The following SNX33 variants were observed in gnomAD, a reference collection of about 807,000 sequenced individuals.
SNX33 encodes the protein sorting nexin-33.
SNX33 carries 19 observed loss-of-function variants against 38.8 expected under a neutral mutation model. The ratio of observed to expected loss-of-function variants is 0.49; its 90% CI spans 0.34 to 0.72. The LOEUF is 0.72. Ranked by LOEUF, SNX33 falls within the 30% of genes least tolerant of loss-of-function variation. The probability of loss-of-function intolerance (pLI) is 0.01; values close to 1 mark genes in which losing one functional copy is unlikely to be tolerated. For missense variants in SNX33, 641 were observed against 776.4 expected (o/e 0.83, Z 2.07); for synonymous variants, 246 against 289.7 (o/e 0.85, Z 1.53).
intron 1 of SNX33, among the ~76,000 whole-genome samples, chr15:75,651,155 G>A (rs1367688716): frequency 2.0e-5 from 3 of 152,220 alleles, no homozygotes; most frequent in African/African-American, 7.2e-5. Flanking sequence ...GATAACAAGA[G>A]CTCAGAGTGG....
rs1227189334 is a variant in SNX33 at position 75,649,744 on chromosome 15, T to C, written c.642T>C (p.Ile214=). The change falls in exon 1 of 2, where the codon ATT becomes ATC. Residue 214 remains isoleucine (I), a synonymous_variant. Coordinates refer to ENST00000308527, the MANE Select transcript of SNX33 (RefSeq NM_153271.2). This position sits in a 1 kb window ranked among gnomAD's most constrained non-coding sequence, Gnocchi z 6.6. ...MMAKIAETYS[I]EMGPRGPQWK... Reference sequence around the variant, plus strand: ...CCAAGATCGCTGAGACATACTCCATTGAAATGGGCCCTCGTGGCCCCCAGT... The same window carrying C: ...CCAAGATCGCTGAGACATACTCCATCGAAATGGGCCCTCGTGGCCCCCAGT... The C allele has an allele frequency of 1.3e-6, 2 of 1,529,988 alleles. No individual in the cohort carries two copies. Among genetic ancestry groups the C allele is most frequent in the South Asian group, 1.3e-5 (1 of 77,580 alleles). The allele number at this position is 1,529,988 out of a possible 1,614,324, so 94.8% of individuals were successfully genotyped here. A position where few individuals can be genotyped will look rare whatever the true frequency, so the allele number is the denominator to read the frequency against.
rs1377369988 is a variant in SNX33 at position 75,648,509 on chromosome 15, G to A, written c.-594G>A. 2.0e-6 allele frequency: 2 copies of A among 985,428 alleles called. No homozygotes were observed. Among genetic ancestry groups the A allele is most frequent in the Non-Finnish European group, 2.4e-6 (2 of 829,966 alleles). 61.0% of individuals were successfully genotyped at this position (985,428 alleles called of 1,614,324 possible). A position where few individuals can be genotyped will look rare whatever the true frequency, so the allele number is the denominator to read the frequency against. ...TCAGGCGGCTGCTGCTTTTCTCCTT[G>A]CCCCTCTTGGATTTTCCGGATTTTT... On this transcript the variant is annotated 5_prime_UTR_variant, in exon 1 of 2. Transcript: ENST00000308527. The surrounding 1 kb of genome is among the most constrained non-coding windows in gnomAD (Gnocchi z 4.4).
In SNX33 at chr15:75,649,260, C is replaced by T. The variant is rs769291515; in HGVS notation, c.158C>T (p.Ala53Val). 3.7e-6 allele frequency: 6 copies of T among 1,613,924 alleles called. No homozygotes were observed. The highest frequency in any genetic ancestry group is 2.7e-5 in the African/African-American group (2 of 74,934). Reference protein sequence around the residue: ...NSRGETGLFPASYVEIVRSGI... With the variant: ...NSRGETGLFPVSYVEIVRSGI... ...CGTGGGGAGACAGGGCTCTTTCCTG[C>T]CTCTTATGTGGAGATCGTCCGTTCT... The change falls in exon 1 of 2, where the codon GCC (alanine) becomes GTC (valine). Residue 53 changes from alanine to valine, a missense_variant. By Grantham distance (64) the Ala-to-Val change is moderately conservative (BLOSUM62 0). Coordinates refer to ENST00000308527, the MANE Select transcript of SNX33 (RefSeq NM_153271.2). This position sits in a 1 kb window ranked among gnomAD's most constrained non-coding sequence, Gnocchi z 6.6.
Position 75,648,997 on chromosome 15 carries a change from T to C in SNX33, c.-106T>C. 7.1e-7 allele frequency: 1 copy of C among 1,401,792 alleles called. No homozygotes were observed. The highest frequency in any genetic ancestry group is 1.4e-5 in the South Asian group (1 of 70,956). 86.8% of individuals were successfully genotyped at this position (1,401,792 alleles called of 1,614,324 possible). On this transcript the variant is annotated 5_prime_UTR_variant, in exon 1 of 2. Coordinates refer to ENST00000308527, the MANE Select transcript of SNX33 (RefSeq NM_153271.2). This position sits in a 1 kb window ranked among gnomAD's most constrained non-coding sequence, Gnocchi z 4.4. ...CCTTAGGACCTGAGAGATTGAACTG[T>C]GTAAGCGCCATTCAGCTGCGAGTGC...
intron 1 of SNX33, among the ~76,000 whole-genome samples, chr15:75,653,074 C>G (rs116227070): frequency 0.015 from 2,339 of 152,218 alleles, 57 homozygotes; most frequent in African/African-American, 0.054. Flanking sequence ...GAGATTTCTC[C>G]CCTCAGTCTC....
chr15:75,650,625 G>T lies in SNX33; in HGVS notation c.1471+52G>T. 1 of 1,521,454 alleles carries T rather than the reference G, an allele frequency of 6.6e-7. No individual in the cohort carries two copies. Among genetic ancestry groups the T allele is most frequent in the East Asian group, 2.3e-5 (1 of 43,864 alleles). The allele number at this position is 1,521,454 out of a possible 1,614,324, so 94.2% of individuals were successfully genotyped here. On this transcript the variant is annotated intron_variant, in intron 1 of 1. Coordinates refer to ENST00000308527, the MANE Select transcript of SNX33 (RefSeq NM_153271.2). This position sits in a 1 kb window ranked among gnomAD's most constrained non-coding sequence, Gnocchi z 6.1. ...CGTCCTGAGTCTGGCTCTCTGCTGGGCCCTGGGGAGATGGGGATGGCCTGG... is the reference window on the plus strand; with the variant it reads ...CGTCCTGAGTCTGGCTCTCTGCTGGTCCCTGGGGAGATGGGGATGGCCTGG...
At chr15:75,651,253 C>T (rs540943048) in intron 1 of SNX33, among the ~76,000 whole-genome samples, 9 of 152,322 alleles carry the variant, frequency 5.9e-5, no homozygotes, top group African/African-American at 9.6e-5. Context: ...TCTTTATGAG[C>T]GTCTTGTCTG....
At position 75,648,910 on chromosome 15, in the gene SNX33, G is replaced by A. The variant is rs546693378; in HGVS notation, c.-193G>A. On this transcript the variant is annotated 5_prime_UTR_variant, in exon 1 of 2. Transcript: ENST00000308527. This position sits in a 1 kb window ranked among gnomAD's most constrained non-coding sequence, Gnocchi z 4.4. ...CGGAGACCTGATAGGGCAGTTTCTG[G>A]GCCATGGACATTGCTTTGAAGAGGG... The A allele has an allele frequency of 1.6e-6, 1 of 610,036 alleles. No homozygotes were observed. The highest frequency in any genetic ancestry group is 3.2e-5 in the East Asian group (1 of 30,908). 37.8% of individuals were successfully genotyped at this position (610,036 alleles called of 1,614,324 possible).
rs527556819 is a variant in SNX33 at position 75,659,141 on chromosome 15, G to A, written c.*1926G>A. On this transcript the variant is annotated 3_prime_UTR_variant, in exon 2 of 2. Transcript: ENST00000308527. ...GGCTCCCACATTGGAAACTGAAGAG[G>A]ACGCTGGCTGTTGGGGGTGCCCTGA... 1 of 152,532 alleles carries A rather than the reference G, an allele frequency of 6.6e-6. No individual in the cohort carries two copies. Among genetic ancestry groups the A allele is most frequent in the Non-Finnish European group, 1.5e-5 (1 of 68,184 alleles). 9.4% of individuals were successfully genotyped at this position (152,532 alleles called of 1,614,324 possible). A position where few individuals can be genotyped will look rare whatever the true frequency, so the allele number is the denominator to read the frequency against.
rs1380065674 is a variant in SNX33, at chr15:75,648,822, C to G, written c.-281C>G. 2.1e-5 allele frequency: 7 copies of G among 336,494 alleles called. No individual in the cohort carries two copies. Among genetic ancestry groups the G allele is most frequent in the South Asian group, 1.1e-4 (1 of 9,006 alleles). The allele number at this position is 336,494 out of a possible 1,614,324, so 20.8% of individuals were successfully genotyped here. ...TAGGAGAGATTCCCCTCTAACCCCC[C>G]AGAGGCTGCTAAGGGAGGAGGAGAC... On this transcript the variant is annotated 5_prime_UTR_variant, in exon 1 of 2. Coordinates refer to ENST00000308527, the MANE Select transcript of SNX33 (RefSeq NM_153271.2). This position sits in a 1 kb window ranked among gnomAD's most constrained non-coding sequence, Gnocchi z 4.4.
Position 75,648,077 on chromosome 15 carries a change from C to A in SNX33, c.-1026C>A, listed in dbSNP as rs1234860798. 6 of 985,462 alleles carry A rather than the reference C, an allele frequency of 6.1e-6. No individual in the cohort carries two copies. In the African/African-American group the frequency reaches 8.7e-5, roughly 14 times the overall value. The allele number at this position is 985,462 out of a possible 1,614,324, so 61.0% of individuals were successfully genotyped here. A position where few individuals can be genotyped will look rare whatever the true frequency, so the allele number is the denominator to read the frequency against. On this transcript the variant is annotated 5_prime_UTR_variant, in exon 1 of 2. Transcript: ENST00000308527. The surrounding 1 kb of genome is among the most constrained non-coding windows in gnomAD (Gnocchi z 4.4). Reference sequence around the variant, plus strand: ...GCCGCGCCATCTGCTCGCCGGAGCTCACTCTCCAAACTCCAAACTGTTGAG... The same window carrying A: ...GCCGCGCCATCTGCTCGCCGGAGCTAACTCTCCAAACTCCAAACTGTTGAG...
chr15:75,648,980 C>T lies in SNX33; in HGVS notation c.-123C>T. 1 of 1,251,594 alleles carries T rather than the reference C, an allele frequency of 8.0e-7. No homozygotes were observed. The highest frequency in any genetic ancestry group is 1.6e-5 in the South Asian group (1 of 62,814). 77.5% of individuals were successfully genotyped at this position (1,251,594 alleles called of 1,614,324 possible). A position where few individuals can be genotyped will look rare whatever the true frequency, so the allele number is the denominator to read the frequency against. On this transcript the variant is annotated 5_prime_UTR_variant, in exon 1 of 2. Coordinates refer to ENST00000308527, the MANE Select transcript of SNX33 (RefSeq NM_153271.2). The surrounding 1 kb of genome is among the most constrained non-coding windows in gnomAD (Gnocchi z 4.4). The stretch of plus-strand genomic sequence containing the variant: ...TGGGTGCTGAGACCCCACCTTAGGA[C>T]CTGAGAGATTGAACTGTGTAAGCGC...
chr15:75,648,129 TC>T lies in SNX33; in HGVS notation c.-973del. On this transcript the variant is annotated 5_prime_UTR_variant, in exon 1 of 2. The change creates a new upstream start codon in the 5' untranslated region. Coordinates refer to ENST00000308527, the MANE Select transcript of SNX33 (RefSeq NM_153271.2). This position sits in a 1 kb window ranked among gnomAD's most constrained non-coding sequence, Gnocchi z 4.4. The stretch of plus-strand genomic sequence containing the variant: ...GTGTGCGTGCACGCGAGGGTGGTGA[TC>T]GGGGGTCGTAAGTCCCGGGTGAGGA... 2.0e-6 allele frequency: 2 copies of T among 985,460 alleles called. No individual in the cohort carries two copies. Among genetic ancestry groups the T allele is most frequent in the Non-Finnish European group, 2.4e-6 (2 of 829,992 alleles). 61.0% of individuals were successfully genotyped at this position (985,460 alleles called of 1,614,324 possible). A position where few individuals can be genotyped will look rare whatever the true frequency, so the allele number is the denominator to read the frequency against.
chr15:75,647,960 C>T lies in SNX33; in HGVS notation c.-1143C>T. 2 of 985,348 alleles carry T rather than the reference C, an allele frequency of 2.0e-6. No individual in the cohort carries two copies. Among genetic ancestry groups the T allele is most frequent in the African/African-American group, 3.5e-5 (2 of 57,348 alleles). 61.0% of individuals were successfully genotyped at this position (985,348 alleles called of 1,614,324 possible). ...TCTCGCTGGCGGAGCGGAGGGTCTG[C>T]GAGCGCCGGGGAAGGCAGGCTGGGG... On this transcript the variant is annotated 5_prime_UTR_variant, in exon 1 of 2. Coordinates refer to ENST00000308527, the MANE Select transcript of SNX33 (RefSeq NM_153271.2).
Position 75,650,142 on chromosome 15 carries a change from G to C in SNX33, c.1040G>C (p.Arg347Pro). 1 of 1,613,290 alleles carries C rather than the reference G, an allele frequency of 6.2e-7. No homozygotes were observed. The highest frequency in any genetic ancestry group is 8.5e-7 in the Non-Finnish European group (1 of 1,179,606). Residue 347 changes from arginine (R) to proline (P), a missense_variant, in exon 1 of 2, where the codon CGG (arginine) becomes CCG (proline). By Grantham distance (103) the Arg-to-Pro change is moderately radical. Around this residue, in one of 2 missense-constraint regions of SNX33, gnomAD observed 398 missense variants for 542.5 expected, o/e 0.73. Transcript: ENST00000308527. This position sits in a 1 kb window ranked among gnomAD's most constrained non-coding sequence, Gnocchi z 6.1. ...DDKQWKMGKRRAEKDEMVGAS... is the reference protein window; with the variant it reads ...DDKQWKMGKRPAEKDEMVGAS... ...AAGCAGTGGAAGATGGGCAAACGCC[G>C]GGCGGAGAAGGATGAGATGGTGGGT...
Position 75,649,091 on chromosome 15 carries a change from C to A in SNX33, c.-12C>A. On this transcript the variant is annotated 5_prime_UTR_variant, in exon 1 of 2. Transcript: ENST00000308527. This position sits in a 1 kb window ranked among gnomAD's most constrained non-coding sequence, Gnocchi z 6.6. ...CTCTCCTTCCCATCTTTCTATACCACCCAGCCCAGCCATGGCACTGAAAGG... is the reference window on the plus strand; with the variant it reads ...CTCTCCTTCCCATCTTTCTATACCAACCAGCCCAGCCATGGCACTGAAAGG... 6.4e-7 allele frequency: 1 copy of A among 1,573,702 alleles called. No individual in the cohort carries two copies. Among genetic ancestry groups the A allele is most frequent in the Admixed American group, 1.8e-5 (1 of 56,696 alleles).
Position 75,648,797 on chromosome 15 carries a change from TAGG to T in SNX33, c.-303_-301del. 3.6e-6 allele frequency: 1 copy of T among 280,636 alleles called. No individual in the cohort carries two copies. Among genetic ancestry groups the T allele is most frequent in the Non-Finnish European group, 6.5e-6 (1 of 154,334 alleles). 17.4% of individuals were successfully genotyped at this position (280,636 alleles called of 1,614,324 possible). A position where few individuals can be genotyped will look rare whatever the true frequency, so the allele number is the denominator to read the frequency against. On this transcript the variant is annotated 5_prime_UTR_variant, in exon 1 of 2. Coordinates refer to ENST00000308527, the MANE Select transcript of SNX33 (RefSeq NM_153271.2). The surrounding 1 kb of genome is among the most constrained non-coding windows in gnomAD (Gnocchi z 4.4). ...TGACTTTTCTTCTGGGAGTAGGAGT[TAGG>T]AGAGATTCCCCTCTAACCCCCCAGA...
chr15:75,655,100 G>A (rs1893637478), intron 1 of SNX33, among the ~76,000 whole-genome samples: 1 of 152,194 alleles, frequency 6.6e-6, no homozygotes, highest in African/African-American at 2.4e-5. Context: ...TTGAATCCCT[G>A]TGTCCAACGT....
rs1893731153 is a variant in SNX33, at chr15:75,662,197, ACT to A, written c.*4985_*4986del. ...TTGCATTTTAAAGGCTGAATCCCAC[ACT>A]CTATCATACATATTAATATTTACCT... On this transcript the variant is annotated 3_prime_UTR_variant, in exon 2 of 2. Transcript: ENST00000308527. 1 of 152,000 alleles carries A rather than the reference ACT, an allele frequency of 6.6e-6. No individual in the cohort carries two copies. The highest frequency in any genetic ancestry group is 2.4e-5 in the African/African-American group (1 of 41,346). 9.4% of individuals were successfully genotyped at this position (152,000 alleles called of 1,614,324 possible).
Sources: allele counts gnomAD v4.1 joint callset (sites outside exome capture counted in the v4.1 genomes callset), GRCh38; gene constraint gnomAD v4.1.1; regional missense constraint gnomAD v4.1.1; non-coding constraint Gnocchi (gnomAD v3.1); transcripts MANE v1.5; gene names NCBI Gene and HGNC (gene_info 2026-07-23, HGNC 2026-07-21).